LYST: variants seen among roughly 807,000 people sequenced by gnomAD.
LYST encodes the protein lysosomal trafficking regulator, also known as lysosomal-trafficking regulator.
A neutral mutation model predicts 413.6 loss-of-function variants in LYST; 192 were observed. The observed-to-expected ratio is 0.46, with a 90% CI of 0.41 to 0.52. The LOEUF (loss-of-function observed/expected upper bound fraction) is 0.52. LYST is among the 20% of genes least tolerant of loss of function. The probability of loss-of-function intolerance (pLI) is 0.00; values close to 1 mark genes in which losing one functional copy is unlikely to be tolerated. For synonymous variants in LYST, 1,525 were observed against 1,567.3 expected, an observed-to-expected ratio of 0.97 and a Z score of 0.64; for missense variants, 3,815 against 4,499.9, an observed-to-expected ratio of 0.85 and a Z score of 4.35.
chr1:235,792,618 A>T (rs1416982655), intron 11 of LYST, among the ~76,000 whole-genome samples: 1 of 149,070 alleles, frequency 6.7e-6, no homozygotes, highest in Non-Finnish European at 1.5e-5. Flanking sequence ...CCCAGCCTTC[A>T]TTCTTAAAAT....
intron 2 of LYST, among the ~76,000 whole-genome samples, chr1:235,832,352 T>A (rs1676087386): frequency 3.3e-5 from 5 of 152,032 alleles, no homozygotes; most frequent in Admixed American, 3.3e-4. Flanking sequence ...AACTGAAAAA[T>A]TATGGGAATA....
chr1:235,725,796 A>C (rs1413829191), intron 38 of LYST, among the ~76,000 whole-genome samples: 1 of 152,182 alleles, frequency 6.6e-6, no homozygotes, highest in Non-Finnish European at 1.5e-5. Flanking sequence ...AGAAGAAAAG[A>C]AGATGAGAAA....
At chr1:235,716,655 C>T in intron 41 of LYST, 57 bp downstream of exon 41, 2 of 1,111,012 alleles carry the variant, frequency 1.8e-6, no homozygotes, top group East Asian at 2.4e-5. Flanking sequence ...AAACACAAGT[C>T]TGTAAAACAA....
chr1:235,752,820 C>T (rs535587535), intron 26 of LYST, among the ~76,000 whole-genome samples: 1 of 152,028 alleles, frequency 6.6e-6, no homozygotes, highest in African/African-American at 2.4e-5. Flanking sequence ...CTAACTTGGG[C>T]CAGTTAATAA....
intron 46 of LYST, 108 bp from the exon 47 acceptor site, chr1:235,693,594 AT>A (rs765327140): frequency 8.2e-7 from 1 of 1,223,900 alleles, no homozygotes; most frequent in Non-Finnish European, 1.2e-6. Flanking sequence ...AGAACATATC[AT>A]TTGGTGCAAG....
chr1:235,831,026 G>C (rs560482594), intron 2 of LYST, among the ~76,000 whole-genome samples: 184 of 152,156 alleles, frequency 1.2e-3, no homozygotes, highest in African/African-American at 4.3e-3. Flanking sequence ...ACAGAATAGG[G>C]GAACATAAAT....
intron 3 of LYST, among the ~76,000 whole-genome samples, chr1:235,819,847 C>T (rs1674561880): frequency 6.6e-6 from 1 of 152,114 alleles, no homozygotes; most frequent in Non-Finnish European, 1.5e-5. Context: ...GGGGTATCAC[C>T]GTGTTAGCCA....
rs1678912023 is a variant in LYST, at chr1:235,854,287, G to A, written c.-98+12556C>T. On this transcript the variant is annotated intron_variant, in intron 1 of 52. Coordinates refer to ENST00000389793, the MANE Select transcript of LYST (RefSeq NM_000081.4). This position sits in a 1 kb window ranked among gnomAD's most constrained non-coding sequence, Gnocchi z 4.1. ...CATATTGGAAACTGAAGCACAGTAA[G>A]GTTAGGTCATTGCTCAAAGTCACAG... is the stretch of plus-strand genomic sequence containing the variant. 6.6e-6 allele frequency among the ~76,000 whole-genome samples: 1 copy of A among 152,206 alleles called. No homozygotes were observed. The highest frequency in any genetic ancestry group is 2.4e-5 in the African/African-American group (1 of 41,444).
chr1:235,839,850 A>G (rs950171069), intron 1 of LYST: 1 of 151,708 alleles, frequency 6.6e-6, no homozygotes, highest in African/African-American at 2.4e-5. Context: ...ATAAAATAAT[A>G]AATAAATAAA....
chr1:235,842,519 T>C (rs1677334561), intron 1 of LYST, among the ~76,000 whole-genome samples: 1 of 152,202 alleles, frequency 6.6e-6, no homozygotes, highest in South Asian at 2.1e-4. Context: ...AGAGATTTTG[T>C]CTGTTGTATT....
At position 235,667,157 on chromosome 1, in the gene LYST, C is replaced by G. The variant is rs183607611; in HGVS notation, c.11039-2536G>C. On this transcript the variant is annotated intron_variant, in intron 50 of 52. Coordinates refer to ENST00000389793, the MANE Select transcript of LYST (RefSeq NM_000081.4). ...ATAATTTAACACATCAACTAAAAGT[C>G]AGAAACCTAGGCATTCCTAAAAAGC... 2.7e-3 allele frequency among the ~76,000 whole-genome samples: 416 copies of G among 152,314 alleles called. 6 individuals are homozygous for G. Among genetic ancestry groups the G allele is most frequent in the South Asian group, 0.026 (123 of 4,820 alleles).
At chr1:235,841,180 C>G (rs1280474747) in intron 1 of LYST, among the ~76,000 whole-genome samples, 1 of 152,190 alleles carries the variant, frequency 6.6e-6, no homozygotes, top group African/African-American at 2.4e-5. Context: ...CAACAACTAT[C>G]CTTAACTCCA....
chr1:235,877,988 C>G (rs75568663), intron 1 of LYST, among the ~76,000 whole-genome samples: 3,201 of 152,020 alleles, frequency 0.021, 108 homozygotes, highest in African/African-American at 0.073. Flanking sequence ...TTCTAGAAAT[C>G]TAACTGAGGA....
At chr1:235,780,420 A>T (rs192079292) in intron 16 of LYST, among the ~76,000 whole-genome samples, 16,033 of 151,738 alleles carry the variant, frequency 0.11, 930 homozygotes, top group Middle Eastern at 0.17. Context: ...AAAAAAATAA[A>T]AAATAAAAAA....
At chr1:235,818,931 C>G (rs1268451968) in intron 3 of LYST, among the ~76,000 whole-genome samples, 1 of 152,192 alleles carries the variant, frequency 6.6e-6, no homozygotes, top group Non-Finnish European at 1.5e-5. Flanking sequence ...AGGCTCAGAC[C>G]CAGCAACACC....
chr1:235,670,645 A>G (rs955434239), intron 50 of LYST, among the ~76,000 whole-genome samples: 9 of 152,202 alleles, frequency 5.9e-5, no homozygotes, highest in African/African-American at 2.2e-4. Flanking sequence ...CTGTGCACAG[A>G]CCAAGGTAAG....
In LYST at chr1:235,664,570, C is replaced by T; in HGVS notation, c.11090G>A (p.Gly3697Glu). 1.2e-6 allele frequency: 2 copies of T among 1,614,132 alleles called. No individual in the cohort carries two copies. The highest frequency in any genetic ancestry group is 1.7e-6 in the Non-Finnish European group (2 of 1,180,014). The change falls in exon 51 of 53, where the codon GGA becomes GAA. Residue 3697 changes from glycine (G) to glutamate (E), a missense_variant. Gly to Glu is a moderately conservative substitution (Grantham distance 98, BLOSUM62 -2). Transcript: ENST00000389793. This position sits in a 1 kb window ranked among gnomAD's most constrained non-coding sequence, Gnocchi z 4.5. ...RLWTVNGDLVGHVHCREIICS... is the reference protein window; with the variant it reads ...RLWTVNGDLVEHVHCREIICS... ...GATGATCTCCCTGCAGTGGACATGT[C>T]CAACGAGATCCCCGTTCACCGTCCA...
intron 30 of LYST, among the ~76,000 whole-genome samples, chr1:235,742,195 G>A (rs1263027443): frequency 6.6e-6 from 1 of 151,908 alleles, no homozygotes; most frequent in Non-Finnish European, 1.5e-5. Context: ...TGGCTCACAC[G>A]TGTAATTCCA....
intron 31 of LYST, chr1:235,737,921 G>GTAGGT: frequency 8.5e-7 from 1 of 1,176,874 alleles, no homozygotes; most frequent in Non-Finnish European, 1.1e-6. Flanking sequence ...CGACGAGTCT[G>GTAGGT]GATCTCACTG....
Sources: gnomAD v4.1 joint callset for allele counts (sites outside exome capture counted in the v4.1 genomes callset) on GRCh38, gnomAD v4.1.1 for gene constraint, Gnocchi (gnomAD v3.1) non-coding constraint, MANE v1.5 for transcripts, NCBI Gene and HGNC (gene_info 2026-07-23, HGNC 2026-07-21) for gene names.